Variants in TENM2 observed in about 807,000 individuals in gnomAD.
TENM2 encodes the protein teneurin transmembrane protein 2.
TENM2 carries 52 observed loss-of-function variants against 245.2 expected under a neutral mutation model. The observed-to-expected ratio is 0.21, with a 90% CI of 0.17 to 0.27. The LOEUF (loss-of-function observed/expected upper bound fraction) is 0.27. Ranked by LOEUF, TENM2 falls within the 10% of genes least tolerant of loss-of-function variation. TENM2 has a pLI of 1.00. For synonymous variants in TENM2, 1,363 were observed against 1,438.9 expected, an observed-to-expected ratio of 0.95 and a Z score of 1.19; for missense variants, 3,046 against 3,666.8, an observed-to-expected ratio of 0.83 and a Z score of 4.37.
At chr5:167,095,801 G>A in the TENM2 span, among the ~76,000 whole-genome samples, 77 of 137,706 alleles carry the variant, frequency 5.6e-4, 2 homozygotes, top group East Asian at 0.013. Flanking sequence ...CAAAAGTTTC[G>A]CTCTTGTTGT....
rs978318616 is a variant in TENM2, at chr5:168,218,323, A to C, written c.4432A>C (p.Ser1478Arg). 1.2e-6 allele frequency: 2 copies of C among 1,614,026 alleles called. No homozygotes were observed. The highest frequency in any genetic ancestry group is 1.7e-6 in the Non-Finnish European group (2 of 1,179,900). ...CATTCACTCTGCCCTGGAGTCAGCC[A>C]GTGCCATTGCCATTTCTCACACTGG... The change falls in exon 23 of 29, where the codon AGT (serine) becomes CGT (arginine). Residue 1478 changes from serine (S) to arginine (R), a missense_variant. By Grantham distance (110) the Ser-to-Arg change is moderately radical (BLOSUM62 -1). Around this residue, in one of 2 missense-constraint regions of TENM2, gnomAD observed 2,704 missense variants for 3,331.9 expected, o/e 0.81. Coordinates refer to ENST00000518659, the Ensembl canonical transcript of TENM2. The surrounding 1 kb of genome is among the most constrained non-coding windows in gnomAD (Gnocchi z 5.2).
At chr5:167,769,359 T>C (rs1763250738) in intron 2 of TENM2, among the ~76,000 whole-genome samples, 1 of 152,220 alleles carries the variant, frequency 6.6e-6, no homozygotes, top group African/African-American at 2.4e-5. Flanking sequence ...ATTGAATGTA[T>C]GTAGTTACAT....
chr5:167,519,585 T>C (rs1277464295), intron 2 of TENM2, among the ~76,000 whole-genome samples: 2 of 152,160 alleles, frequency 1.3e-5, no homozygotes, highest in Non-Finnish European at 2.9e-5. Context: ...GTTATACCTG[T>C]ATTACTTTCA....
intron 1 of TENM2, among the ~76,000 whole-genome samples, chr5:167,315,465 ATTTTC>A (rs1361714290): frequency 2.0e-5 from 3 of 152,138 alleles, no homozygotes; most frequent in Non-Finnish European, 4.4e-5. Flanking sequence ...TGATGCCGTA[ATTTTC>A]TTTTAGCAGA....
At chr5:167,255,072 T>C in the TENM2 span, among the ~76,000 whole-genome samples, 1 of 148,054 alleles carries the variant, frequency 6.8e-6, no homozygotes, top group Non-Finnish European at 1.5e-5. Flanking sequence ...TCTTTTCTTT[T>C]CTTTTTTTTT....
At chr5:167,079,967 C>A in the TENM2 span, among the ~76,000 whole-genome samples, 1 of 152,142 alleles carries the variant, frequency 6.6e-6, no homozygotes, top group Non-Finnish European at 1.5e-5. Context: ...AAAGTATGTT[C>A]CTGATGACAG....
At chr5:167,160,609 T>C in the TENM2 span, among the ~76,000 whole-genome samples, 1 of 152,254 alleles carries the variant, frequency 6.6e-6, no homozygotes, top group Non-Finnish European at 1.5e-5. Context: ...TCAGCTTAAT[T>C]GTCACTTCCT....
chr5:168,224,067 A>T (rs1763923727), intron 23 of TENM2, among the ~76,000 whole-genome samples: 1 of 152,198 alleles, frequency 6.6e-6, no homozygotes, highest in Admixed American at 6.5e-5. Flanking sequence ...ATAGATCATC[A>T]GTTATTTAAT....
chr5:167,087,896 TCTC>T, the TENM2 span, among the ~76,000 whole-genome samples: 1 of 151,916 alleles, frequency 6.6e-6, no homozygotes, highest in Admixed American at 6.6e-5. Flanking sequence ...TTCCAGCAAT[TCTC>T]CTGCCTCAGC....
At chr5:167,083,444 C>A in the TENM2 span, among the ~76,000 whole-genome samples, 1 of 152,034 alleles carries the variant, frequency 6.6e-6, no homozygotes, top group Non-Finnish European at 1.5e-5. Context: ...AAATTCTGTC[C>A]ACAAAGCGTC....
intron 2 of TENM2, among the ~76,000 whole-genome samples, chr5:167,698,683 T>TTG (rs1554102353): frequency 1.3e-4 from 17 of 132,720 alleles, no homozygotes; most frequent in African/African-American, 4.5e-4. Context: ...TTTTTTGTTT[T>TTG]TTTTTTTTTT....
chr5:167,433,085 A>C (rs1450918993), intron 2 of TENM2, among the ~76,000 whole-genome samples: 1 of 151,834 alleles, frequency 6.6e-6, no homozygotes, highest in Non-Finnish European at 1.5e-5. Context: ...CACTTCCCAA[A>C]GTATTAATTG....
intron 2 of TENM2, among the ~76,000 whole-genome samples, chr5:167,841,790 G>C (rs1156436890): frequency 3.3e-5 from 5 of 152,018 alleles, no homozygotes; most frequent in Admixed American, 6.6e-5. Context: ...ATTGCATTTA[G>C]TTATCTTTTC....
At chr5:167,387,352 T>C (rs1483876485) in intron 2 of TENM2, among the ~76,000 whole-genome samples, 1 of 152,112 alleles carries the variant, frequency 6.6e-6, no homozygotes, top group Non-Finnish European at 1.5e-5. Flanking sequence ...AGCTACTGAT[T>C]TGTGTACACT....
At chr5:166,987,942 G>A in the TENM2 span, among the ~76,000 whole-genome samples, 2 of 152,134 alleles carry the variant, frequency 1.3e-5, no homozygotes, top group African/African-American at 4.8e-5. Flanking sequence ...AGCATGTAGC[G>A]AATATGTAGG....
intron 2 of TENM2, among the ~76,000 whole-genome samples, chr5:167,650,302 A>G (rs1352513393): frequency 2.6e-5 from 4 of 152,164 alleles, no homozygotes; most frequent in Admixed American, 1.3e-4. Context: ...TAGGTTCTTC[A>G]CATTTATGAA....
intron 3 of TENM2, among the ~76,000 whole-genome samples, chr5:167,926,065 A>C (rs1179957847): frequency 6.6e-6 from 1 of 152,166 alleles, no homozygotes; most frequent in Non-Finnish European, 1.5e-5. Context: ...ACACGTGTTT[A>C]CCTATGTAAA....
chr5:166,979,292 G>C, the TENM2 span, among the ~76,000 whole-genome samples: 1 of 152,112 alleles, frequency 6.6e-6, no homozygotes, highest in Admixed American at 6.5e-5. Flanking sequence ...GCAGAAGCGA[G>C]CACCGTTTGG....
chr5:168,067,876 G>T (rs1405742864), intron 7 of TENM2, among the ~76,000 whole-genome samples: 1 of 152,176 alleles, frequency 6.6e-6, no homozygotes, highest in Non-Finnish European at 1.5e-5. Context: ...ATCGCGCTTT[G>T]CAGAAGCCCC....
Sources: allele counts gnomAD v4.1 joint callset (sites outside exome capture counted in the v4.1 genomes callset), GRCh38; gene constraint gnomAD v4.1.1; regional missense constraint gnomAD v4.1.1; non-coding constraint Gnocchi (gnomAD v3.1); transcripts MANE v1.5; gene names NCBI Gene and HGNC (gene_info 2026-07-23, HGNC 2026-07-21).